Variants in PEAK1 observed in about 807,000 individuals in gnomAD.
PEAK1 encodes inactive tyrosine-protein kinase PEAK1.
A neutral mutation model predicts 124.7 loss-of-function variants in PEAK1; 54 were observed. The ratio of observed to expected loss-of-function variants is 0.43; its 90% CI spans 0.35 to 0.54. PEAK1 has a LOEUF of 0.54. Ranked by LOEUF, PEAK1 falls within the 20% of genes least tolerant of loss-of-function variation. The pLI, the probability that PEAK1 is intolerant of heterozygous loss-of-function variation, is 0.01. For synonymous variants in PEAK1, 719 were observed against 760.0 expected, an observed-to-expected ratio of 0.95 and a Z score of 0.89; for missense variants, 2,046 against 2,134.5, an observed-to-expected ratio of 0.96 and a Z score of 0.82.
chr15:77,153,934 T>G (rs1567038152), intron 8 of PEAK1, among the ~76,000 whole-genome samples: 1 of 152,184 alleles, frequency 6.6e-6, no homozygotes, highest in Non-Finnish European at 1.5e-5. Flanking sequence ...ATAGGTGTGG[T>G]GTGGTGCTGA....
chr15:77,295,442 A>G (rs2063435995), intron 2 of PEAK1, among the ~76,000 whole-genome samples: 1 of 152,166 alleles, frequency 6.6e-6, no homozygotes, highest in Admixed American at 6.5e-5. Flanking sequence ...TTTGAAGAAC[A>G]TGGTCTTTTC....
intron 2 of PEAK1, chr15:77,333,762 T>G (rs908552698): frequency 2.1e-6 from 2 of 943,536 alleles, no homozygotes; most frequent in Non-Finnish European, 2.5e-6. Flanking sequence ...GACTCTACCT[T>G]GTTCCATTCT....
At chr15:77,403,614 C>A in intron 1 of PEAK1, 1 of 918,942 alleles carries the variant, frequency 1.1e-6, no homozygotes, top group Middle Eastern at 5.6e-4. Flanking sequence ...ATATATCATA[C>A]CCTATACTAA....
chr15:77,324,009 AC>A (rs2065411279), intron 2 of PEAK1, among the ~76,000 whole-genome samples: 1 of 152,206 alleles, frequency 6.6e-6, no homozygotes, highest in African/African-American at 2.4e-5. Flanking sequence ...TCTTTGATAA[AC>A]CTGACAAAAA....
At chr15:77,183,287 T>C (rs1274292609) in intron 6 of PEAK1, among the ~76,000 whole-genome samples, 1 of 152,220 alleles carries the variant, frequency 6.6e-6, no homozygotes, top group African/African-American at 2.4e-5. Context: ...AATGGAGAGA[T>C]GAGTAGCTAT....
At position 77,355,777 on chromosome 15, in the gene PEAK1, A is replaced by T. The variant is rs1333237405; in HGVS notation, c.-603+9386T>A. On this transcript the variant is annotated intron_variant, in intron 2 of 9. Transcript: ENST00000682557. ...AATCAGGTCTAAGAAGGCTGAGAAAAAGTTTACCTCGATTCCAATTCCTGT... is the reference window on the plus strand; with the variant it reads ...AATCAGGTCTAAGAAGGCTGAGAAATAGTTTACCTCGATTCCAATTCCTGT... The T allele has an allele frequency of 3.0e-6, 3 of 985,246 alleles. No homozygotes were observed. The East Asian group carries it at 3.4e-4, about 112-fold the overall frequency. 61.0% of individuals were successfully genotyped at this position (985,246 alleles called of 1,614,324 possible).
chr15:77,211,312 T>C (rs1239875930), intron 6 of PEAK1, among the ~76,000 whole-genome samples: 1 of 152,200 alleles, frequency 6.6e-6, no homozygotes, highest in Non-Finnish European at 1.5e-5. Context: ...ATTTTTAAAA[T>C]GAACTTTCAG....
intron 6 of PEAK1, among the ~76,000 whole-genome samples, chr15:77,198,704 A>G (rs1346010032): frequency 6.6e-6 from 1 of 152,244 alleles, no homozygotes; most frequent in East Asian, 1.9e-4. Flanking sequence ...ATTATTCAAG[A>G]AAAAGTGAGG....
intron 9 of PEAK1, among the ~76,000 whole-genome samples, chr15:77,118,606 A>G (rs542313573): frequency 6.6e-6 from 1 of 152,144 alleles, no homozygotes; most frequent in Admixed American, 6.5e-5. Context: ...GGCTCTCATT[A>G]TCTTTCTTGA....
chr15:77,336,344 AC>A (rs2066199218), intron 2 of PEAK1: 1 of 985,180 alleles, frequency 1.0e-6, no homozygotes, highest in South Asian at 4.7e-5. Flanking sequence ...ATATTCTCTC[AC>A]CAAAAAGCTC....
chr15:77,344,077 A>G (rs2141364406), intron 2 of PEAK1, among the ~76,000 whole-genome samples: 1 of 152,174 alleles, frequency 6.6e-6, no homozygotes, highest in Non-Finnish European at 1.5e-5. Context: ...ATAAGCAAGG[A>G]TTTAGTTCTT....
At chr15:77,103,028 T>G (rs1440417424) in exon 7 of PEAK1, 1 of 152,232 alleles carries the variant, frequency 6.6e-6, no homozygotes, top group East Asian at 1.9e-4. Flanking sequence ...CCTATGTGAC[T>G]GAACGCCTGA....
At chr15:77,198,054 A>T (rs150674609) in intron 6 of PEAK1, among the ~76,000 whole-genome samples, 1 of 152,170 alleles carries the variant, frequency 6.6e-6, no homozygotes. Flanking sequence ...ATTTATCAAA[A>T]CTTAAATGAG....
At chr15:77,415,930 T>A (rs1180602299) in intron 1 of PEAK1, among the ~76,000 whole-genome samples, 1 of 152,126 alleles carries the variant, frequency 6.6e-6, no homozygotes, top group Non-Finnish European at 1.5e-5. Context: ...ATCCCAAGTA[T>A]CTCCCCCTGC....
At chr15:77,193,899 C>T (rs1297664932) in intron 6 of PEAK1, among the ~76,000 whole-genome samples, 3 of 152,136 alleles carry the variant, frequency 2.0e-5, no homozygotes, top group Non-Finnish European at 2.9e-5. Flanking sequence ...CTTGTCTATT[C>T]CCAAATATTT....
At chr15:77,169,971 C>T (rs114656064) in intron 7 of PEAK1, among the ~76,000 whole-genome samples, 3,371 of 152,180 alleles carry the variant, frequency 0.022, 106 homozygotes, top group African/African-American at 0.071. Context: ...GAAAATTGCA[C>T]ATGATTCTTG....
chr15:77,158,662 G>A lies in PEAK1; in HGVS notation c.3172C>T (p.Pro1058Ser), dbSNP rs747542919. ...CCAACAACAGTTCTTGGATCCCGAGGAGAAAAATCCTCTGTTACTTCATGG... is the reference window on the plus strand; with the variant it reads ...CCAACAACAGTTCTTGGATCCCGAGAAGAAAAATCCTCTGTTACTTCATGG... ...MTHEVTEDFSPRDPRTVVGKQ... is the reference protein window; with the variant it reads ...MTHEVTEDFSSRDPRTVVGKQ... The change falls in exon 8 of 10, where the codon CCT (proline) becomes TCT (serine). Residue 1058 changes from proline to serine, a missense_variant. Coordinates refer to ENST00000682557, the MANE Select transcript of PEAK1 (RefSeq NM_001385026.1). 6.8e-6 allele frequency: 11 copies of A among 1,614,090 alleles called. No homozygotes were observed. The East Asian group carries it at 2.0e-4, about 29-fold the overall frequency.
chr15:77,182,052 A>C lies in PEAK1; in HGVS notation c.-114-12T>G. 12 of 1,383,894 alleles carry C rather than the reference A, an allele frequency of 8.7e-6. No homozygotes were observed. Among genetic ancestry groups the C allele is most frequent in the Non-Finnish European group, 1.1e-5 (12 of 1,073,402 alleles). 85.7% of individuals were successfully genotyped at this position (1,383,894 alleles called of 1,614,324 possible). On this transcript the variant is annotated splice_polypyrimidine_tract_variant and intron_variant, in intron 6 of 9. Coordinates refer to ENST00000682557, the MANE Select transcript of PEAK1 (RefSeq NM_001385026.1). ...TAAGAATGATCAATCTGTGGAGGGGAAAAGAAGACAAAAAATCTGAATGAA... is the reference window on the plus strand; with the variant it reads ...TAAGAATGATCAATCTGTGGAGGGGCAAAGAAGACAAAAAATCTGAATGAA...
At chr15:77,161,647 C>T (rs956944518) in intron 7 of PEAK1, among the ~76,000 whole-genome samples, 5 of 152,092 alleles carry the variant, frequency 3.3e-5, no homozygotes, top group African/African-American at 4.8e-5. Context: ...TGTCTTAATG[C>T]TTAAAGGAAG....
Sources: allele counts gnomAD v4.1 joint callset (sites outside exome capture counted in the v4.1 genomes callset), GRCh38; gene constraint gnomAD v4.1.1; transcripts MANE v1.5; gene names NCBI Gene and HGNC (gene_info 2026-07-23, HGNC 2026-07-21).